The following CYP46A1 variants were observed in gnomAD, a reference collection of about 807,000 sequenced individuals.
CYP46A1 encodes the protein cholesterol 24-hydroxylase.
CYP46A1 carries 20 observed loss-of-function variants against 63.3 expected under a neutral mutation model. That is an observed-to-expected ratio of 0.32 (90% confidence interval 0.22 to 0.46). The LOEUF (loss-of-function observed/expected upper bound fraction) is 0.46, where lower values mean the gene tolerates loss of function less well. Ranked by LOEUF, CYP46A1 falls within the 20% of genes least tolerant of loss-of-function variation. The pLI is 1.00. For missense variants in CYP46A1, 445 were observed against 670.8 expected, an observed-to-expected ratio of 0.66 and a Z score of 3.72; for synonymous variants, 268 against 273.6, an observed-to-expected ratio of 0.98 and a Z score of 0.20.
Position 99,715,797 on chromosome 14 carries a change from A to G in CYP46A1, c.694-13A>G. ...TGTTCACTTGGCCATCTGGAGCTGAAACTCTTGTTTAGTTCCTGCCAGGGA... is the reference window on the plus strand; with the variant it reads ...TGTTCACTTGGCCATCTGGAGCTGAGACTCTTGTTTAGTTCCTGCCAGGGA... On this transcript the variant is annotated splice_polypyrimidine_tract_variant and intron_variant, in intron 7 of 14. Transcript: ENST00000261835. 1 of 1,614,014 alleles carries G rather than the reference A, an allele frequency of 6.2e-7. No homozygotes were observed. The highest frequency in any genetic ancestry group is 1.7e-5 in the Admixed American group (1 of 60,010).
intron 3 of CYP46A1, among the ~76,000 whole-genome samples, chr14:99,694,664 T>A (rs2140116033): frequency 6.6e-6 from 1 of 152,164 alleles, no homozygotes; most frequent in East Asian, 1.9e-4. Context: ...TGCACGTGGC[T>A]AAATTTTTAT....
At position 99,726,940 on chromosome 14, in the gene CYP46A1, C is replaced by A; in HGVS notation, c.*213C>A. The A allele has an allele frequency of 2.3e-6, 1 of 437,458 alleles. No homozygotes were observed. The highest frequency in any genetic ancestry group is 4.0e-6 in the Non-Finnish European group (1 of 249,842). The allele number at this position is 437,458 out of a possible 1,614,324, so 27.1% of individuals were successfully genotyped here. On this transcript the variant is annotated 3_prime_UTR_variant, in exon 15 of 15. Coordinates refer to ENST00000261835, the MANE Select transcript of CYP46A1 (RefSeq NM_006668.2). ...GGCCCTTCCTGGACTGGCCCTTGCC[C>A]AACTCCCAGCCACCACCACTGTCCC...
At chr14:99,695,312 C>T (rs1326197873) in intron 3 of CYP46A1, 1 of 224,434 alleles carries the variant, frequency 4.5e-6, no homozygotes, top group Non-Finnish European at 9.2e-6. Flanking sequence ...TCAATTTGGT[C>T]AATAGTGTTA....
intron 9 of CYP46A1, chr14:99,717,759 A>G: frequency 2.8e-6 from 1 of 362,798 alleles, no homozygotes; most frequent in South Asian, 6.6e-5. Flanking sequence ...GCATCCTGGG[A>G]AGGCGAGGCC....
chr14:99,699,374 C>A (rs1195930062), intron 3 of CYP46A1, 92 bp from the exon 4 acceptor site: 2 of 1,243,316 alleles, frequency 1.6e-6, no homozygotes, highest in South Asian at 1.2e-5. Context: ...TGAGACTCAG[C>A]CAATGGTGAT....
intron 1 of CYP46A1, among the ~76,000 whole-genome samples, chr14:99,687,140 C>T (rs1204897733): frequency 1.3e-5 from 2 of 152,144 alleles, no homozygotes; most frequent in African/African-American, 4.8e-5. Flanking sequence ...CTCCTCTGTG[C>T]TTTTCTTACC....
At position 99,725,474 on chromosome 14, in the gene CYP46A1, A is replaced by G; in HGVS notation, c.1260A>G (p.Ala420=). 1 of 1,613,418 alleles carries G rather than the reference A, an allele frequency of 6.2e-7. No individual in the cohort carries two copies. Among genetic ancestry groups the G allele is most frequent in the Middle Eastern group, 1.7e-4 (1 of 6,060 alleles). Residue 420 remains alanine, a synonymous_variant, in exon 13 of 15, where the codon GCA becomes GCG. Transcript: ENST00000261835. The surrounding 1 kb of genome is among the most constrained non-coding windows in gnomAD (Gnocchi z 4.2). ...TFNPDRFGPG[A]PKPRFTYFPF... ...ACCCCGATCGCTTCGGCCCTGGAGCACCCAAGTAAGTCCCTCCTGGAGCTG... is the reference window on the plus strand; with the variant it reads ...ACCCCGATCGCTTCGGCCCTGGAGCGCCCAAGTAAGTCCCTCCTGGAGCTG...
rs200043004 is a variant in CYP46A1 at position 99,726,205 on chromosome 14, C to T, written c.1281C>T (p.Tyr427=). Reference sequence around the variant, plus strand: ...TTCCCTGCAGGCCACGGTTCACCTACTTCCCCTTCTCCCTGGGCCACCGCT... The same window carrying T: ...TTCCCTGCAGGCCACGGTTCACCTATTTCCCCTTCTCCCTGGGCCACCGCT... ...GPGAPKPRFT[Y]FPFSLGHRSC... is the part of the protein sequence containing the mutation. The change falls in exon 14 of 15, where the codon TAC becomes TAT. Residue 427 remains tyrosine (Y), a synonymous_variant. Transcript: ENST00000261835. 6.4e-5 allele frequency: 103 copies of T among 1,614,016 alleles called. No individual in the cohort carries two copies. The East Asian group carries it at 2.1e-3, about 32-fold the overall frequency.
chr14:99,719,910 C>T (rs2056829412), intron 10 of CYP46A1, among the ~76,000 whole-genome samples: 1 of 152,028 alleles, frequency 6.6e-6, no homozygotes, highest in Non-Finnish European at 1.5e-5. Context: ...TATAGGTGCA[C>T]GCCACCATGC....
intron 7 of CYP46A1, chr14:99,710,745 G>A (rs2056722440): frequency 6.6e-6 from 1 of 152,144 alleles, no homozygotes; most frequent in South Asian, 2.1e-4. Context: ...CCCACTCTCA[G>A]CACTGGACAG....
At chr14:99,703,726 A>G in intron 5 of CYP46A1, 1 of 956,436 alleles carries the variant, frequency 1.0e-6, no homozygotes, top group Non-Finnish European at 1.2e-6. Flanking sequence ...TCACTAGACC[A>G]CGGATCCCTG....
In CYP46A1 at chr14:99,722,192, C is replaced by T; in HGVS notation, c.1176+126C>T. On this transcript the variant is annotated intron_variant, in intron 12 of 14. Transcript: ENST00000261835. This position sits in a 1 kb window ranked among gnomAD's most constrained non-coding sequence, Gnocchi z 4.6. ...ATTGCAACGGGCCTCACTGGCTGCC[C>T]TGGTCTTTCTCATGGAGTCTCACCA... The T allele has an allele frequency of 1.6e-6, 1 of 637,138 alleles. No homozygotes were observed. 39.5% of individuals were successfully genotyped at this position (637,138 alleles called of 1,614,324 possible).
At chr14:99,699,353 C>T (rs964836400) in intron 3 of CYP46A1, 113 bp from the exon 4 acceptor site, 14 of 960,122 alleles carry the variant, frequency 1.5e-5, no homozygotes, top group Non-Finnish European at 2.4e-5. Context: ...GGGAAGTGGG[C>T]ACACTGCGGC....
chr14:99,690,692 C>T (rs1379543691), intron 1 of CYP46A1, among the ~76,000 whole-genome samples: 4 of 152,176 alleles, frequency 2.6e-5, no homozygotes, highest in East Asian at 1.9e-4. Context: ...CTATATAATA[C>T]GGTTAATAAC....
intron 3 of CYP46A1, among the ~76,000 whole-genome samples, chr14:99,695,951 C>T (rs34703277): frequency 0.017 from 2,573 of 152,062 alleles, 42 homozygotes; most frequent in Middle Eastern, 0.037. Context: ...CTTTCTTATG[C>T]TTAGTGTTGC....
At chr14:99,691,038 C>T (rs753596897) in intron 1 of CYP46A1, 43 bp from the exon 2 acceptor site, 1 of 1,588,948 alleles carries the variant, frequency 6.3e-7, no homozygotes, top group Admixed American at 1.7e-5. Flanking sequence ...AGCGTTCTTT[C>T]CTGTTGACTG....
At chr14:99,690,682 C>A (rs1376298382) in intron 1 of CYP46A1, among the ~76,000 whole-genome samples, 1 of 152,080 alleles carries the variant, frequency 6.6e-6, no homozygotes, top group Non-Finnish European at 1.5e-5. Context: ...CTCGGCTGTC[C>A]TATATAATAC....
At position 99,690,959 on chromosome 14, in the gene CYP46A1, G is replaced by A. The variant is rs144209618; in HGVS notation, c.120-122G>A. 85 of 904,012 alleles carry A rather than the reference G, an allele frequency of 9.4e-5. No individual in the cohort carries two copies. In the African/African-American group the frequency reaches 1.3e-3, roughly 14 times the overall value. The allele number at this position is 904,012 out of a possible 1,614,324, so 56.0% of individuals were successfully genotyped here. A position where few individuals can be genotyped will look rare whatever the true frequency, so the allele number is the denominator to read the frequency against. The stretch of plus-strand genomic sequence containing the variant: ...TGCCTGGTGTCCCTGAGCCAGTGCT[G>A]TAACCTCCCCATGCCTCGGTCCTCC... On this transcript the variant is annotated intron_variant, in intron 1 of 14. Transcript: ENST00000261835.
chr14:99,691,916 G>A (rs1047372639), intron 3 of CYP46A1, 55 bp downstream of exon 3: 2 of 1,555,514 alleles, frequency 1.3e-6, no homozygotes, highest in Admixed American at 3.3e-5. Flanking sequence ...TTGGGTTGGG[G>A]GAGTGAAGCC....
Sources: allele counts gnomAD v4.1 joint callset (sites outside exome capture counted in the v4.1 genomes callset), GRCh38; gene constraint gnomAD v4.1.1; non-coding constraint Gnocchi (gnomAD v3.1); transcripts MANE v1.5; gene names NCBI Gene and HGNC (gene_info 2026-07-23, HGNC 2026-07-21).